SCUBE3: variants seen among roughly 807,000 people sequenced by gnomAD.
The protein encoded by SCUBE3 is signal peptide, CUB and EGF-like domain-containing protein 3.
In SCUBE3, 33 loss-of-function variants were observed where a neutral mutation model predicts 116.8. The observed-to-expected ratio is 0.28, with a 90% CI of 0.21 to 0.38. The LOEUF (loss-of-function observed/expected upper bound fraction) is 0.38, where lower values mean the gene tolerates loss of function less well. SCUBE3 is among the 10% of genes least tolerant of loss of function. The pLI, the probability that SCUBE3 is intolerant of heterozygous loss-of-function variation, is 1.00. For synonymous variants in SCUBE3, 418 were observed against 496.9 expected (o/e 0.84, Z 2.11); for missense variants, 1,007 against 1,324.8 (o/e 0.76, Z 3.72).
intron 3 of SCUBE3, among the ~76,000 whole-genome samples, chr6:35,229,461 C>T (rs969271397): frequency 1.3e-5 from 2 of 152,090 alleles, no homozygotes; most frequent in African/African-American, 2.4e-5. Context: ...CTGTGCGGAT[C>T]ACCACAAGAC....
At position 35,253,079 on chromosome 6, in the gene SCUBE3, A is replaced by G. The variant is rs1380555105; in HGVS notation, c.*4374A>G. 2 of 152,232 alleles carry G rather than the reference A, an allele frequency of 1.3e-5. No individual in the cohort carries two copies. The highest frequency in any genetic ancestry group is 2.9e-5 in the Non-Finnish European group (2 of 68,044). 9.4% of individuals were successfully genotyped at this position (152,232 alleles called of 1,614,324 possible). A position where few individuals can be genotyped will look rare whatever the true frequency, so the allele number is the denominator to read the frequency against. On this transcript the variant is annotated 3_prime_UTR_variant, in exon 22 of 22. Transcript: ENST00000274938. ...ATTAAAATACTAAATGAAACTCCTC[A>G]GCCCGGCATCTTTTCCTCTATCTCA...
chr6:35,234,794 G>A (rs1209335884), intron 6 of SCUBE3, among the ~76,000 whole-genome samples: 2 of 152,182 alleles, frequency 1.3e-5, no homozygotes, highest in East Asian at 3.9e-4. Flanking sequence ...TCCAGACATG[G>A]TTGCTTCTGA....
Position 35,244,630 on chromosome 6 carries a change from C to G in SCUBE3, c.2240-20C>G. Reference sequence around the variant, plus strand: ...CACCTGCCTACCATCTTGATTCCTGCCCTTCTCCCTTGCCTACAGTCCAGT... The same window carrying G: ...CACCTGCCTACCATCTTGATTCCTGGCCTTCTCCCTTGCCTACAGTCCAGT... On this transcript the variant is annotated intron_variant, in intron 17 of 21. Coordinates refer to ENST00000274938, the MANE Select transcript of SCUBE3 (RefSeq NM_152753.4). The surrounding 1 kb of genome is among the most constrained non-coding windows in gnomAD (Gnocchi z 4.3). The G allele has an allele frequency of 6.2e-7, 1 of 1,609,960 alleles. No homozygotes were observed. The highest frequency in any genetic ancestry group is 8.5e-7 in the Non-Finnish European group (1 of 1,176,584).
Position 35,235,365 on chromosome 6 carries a change from AGGGTGGGGAGG to A in SCUBE3, c.712+2067_712+2077del, listed in dbSNP as rs1403438187. 1.8e-6 allele frequency: 1 copy of A among 565,962 alleles called. No homozygotes were observed. The highest frequency in any genetic ancestry group is 3.0e-6 in the Non-Finnish European group (1 of 335,658). 35.1% of individuals were successfully genotyped at this position (565,962 alleles called of 1,614,324 possible). ...GGTTTGGGCTGGCAGTGGGGAGGAG[AGGGTGGGGAGG>A]GGTCCGGGGCCAGAGGGCCACAGTG... On this transcript the variant is annotated intron_variant, in intron 6 of 21. Coordinates refer to ENST00000274938, the MANE Select transcript of SCUBE3 (RefSeq NM_152753.4). The surrounding 1 kb of genome is among the most constrained non-coding windows in gnomAD (Gnocchi z 4.5).
chr6:35,245,205 T>C lies in SCUBE3; in HGVS notation c.2402-23T>C, dbSNP rs1784280912. 6.2e-7 allele frequency: 1 copy of C among 1,612,092 alleles called. No homozygotes were observed. Among genetic ancestry groups the C allele is most frequent in the South Asian group, 1.1e-5 (1 of 91,054 alleles). On this transcript the variant is annotated intron_variant, in intron 18 of 21. Coordinates refer to ENST00000274938, the MANE Select transcript of SCUBE3 (RefSeq NM_152753.4). This position sits in a 1 kb window ranked among gnomAD's most constrained non-coding sequence, Gnocchi z 4.2. ...CTGACTTCCCTTCTCTGTCTTGTTT[T>C]ATCCACTGGGGTTTGGCTGCAGATC... is the stretch of plus-strand genomic sequence containing the variant.
rs1417638541 is a variant in SCUBE3, at chr6:35,232,298, G to GGC, written c.469+440_469+441dup. On this transcript the variant is annotated intron_variant, in intron 4 of 21. Coordinates refer to ENST00000274938, the MANE Select transcript of SCUBE3 (RefSeq NM_152753.4). The surrounding 1 kb of genome is among the most constrained non-coding windows in gnomAD (Gnocchi z 4.2). ...CCCACTAGACTGTGACATCCCTGAGGGCAGGGACTATGTCTAACTCATTGT... is the reference window on the plus strand; with the variant it reads ...CCCACTAGACTGTGACATCCCTGAGGGCGCAGGGACTATGTCTAACTCATTGT... Among the ~76,000 whole-genome samples, 1 of 152,114 alleles carries GGC rather than the reference G, an allele frequency of 6.6e-6. No individual in the cohort carries two copies. The highest frequency in any genetic ancestry group is 2.4e-5 in the African/African-American group (1 of 41,410).
chr6:35,216,868 G>A (rs1272506640), intron 1 of SCUBE3, among the ~76,000 whole-genome samples: 2 of 152,216 alleles, frequency 1.3e-5, no homozygotes, highest in East Asian at 3.9e-4. Flanking sequence ...TCATGTGGAA[G>A]GGGGGAAAGG....
In SCUBE3 at chr6:35,239,584, G is replaced by C. The variant is rs1472905772; in HGVS notation, c.830-168G>C. Among the ~76,000 whole-genome samples, 2 of 152,168 alleles carry C rather than the reference G, an allele frequency of 1.3e-5. No homozygotes were observed. The highest frequency in any genetic ancestry group is 4.1e-4 in the South Asian group (2 of 4,832). The stretch of plus-strand genomic sequence containing the variant: ...GGAAGAAACAGAGACAGGAAAGAGA[G>C]AGAGAGACAGGAAAGAGAAAGAGAA... On this transcript the variant is annotated intron_variant, in intron 7 of 21. Coordinates refer to ENST00000274938, the MANE Select transcript of SCUBE3 (RefSeq NM_152753.4). The surrounding 1 kb of genome is among the most constrained non-coding windows in gnomAD (Gnocchi z 4.1).
intron 1 of SCUBE3, among the ~76,000 whole-genome samples, chr6:35,215,082 G>A (rs1297122237): frequency 6.6e-6 from 1 of 152,198 alleles, no homozygotes; most frequent in East Asian, 1.9e-4. Context: ...TTCTGTGACT[G>A]GCTCCCGACA....
At chr6:35,223,264 T>G (rs1248774320) in intron 1 of SCUBE3, 1 of 152,216 alleles carries the variant, frequency 6.6e-6, no homozygotes, top group Non-Finnish European at 1.5e-5. Context: ...GTTAAGTACT[T>G]GATGGGTATT....
chr6:35,231,615 TG>T lies in SCUBE3; in HGVS notation c.335-107del. On this transcript the variant is annotated intron_variant, in intron 3 of 21. Coordinates refer to ENST00000274938, the MANE Select transcript of SCUBE3 (RefSeq NM_152753.4). This position sits in a 1 kb window ranked among gnomAD's most constrained non-coding sequence, Gnocchi z 4.2. The stretch of plus-strand genomic sequence containing the variant: ...GTGTGAGGACTTCCTGGCTTAAGGC[TG>T]GGCTTAGGGGGTAGTAGTTCTTAAG... The T allele has an allele frequency of 1.1e-6, 1 of 918,034 alleles. No homozygotes were observed. Among genetic ancestry groups the T allele is most frequent in the South Asian group, 2.7e-5 (1 of 36,696 alleles). The allele number at this position is 918,034 out of a possible 1,614,324, so 56.9% of individuals were successfully genotyped here.
chr6:35,243,322 C>A lies in SCUBE3; in HGVS notation c.1909+86C>A. On this transcript the variant is annotated intron_variant, in intron 15 of 21. Coordinates refer to ENST00000274938, the MANE Select transcript of SCUBE3 (RefSeq NM_152753.4). This position sits in a 1 kb window ranked among gnomAD's most constrained non-coding sequence, Gnocchi z 6.6. ...GCAGGACCCTTTGTGGCCTCAGATG[C>A]ATTTCTCAAATTATGAGGCAGCCAG... 2 of 1,185,790 alleles carry A rather than the reference C, an allele frequency of 1.7e-6. No individual in the cohort carries two copies. Among genetic ancestry groups the A allele is most frequent in the Non-Finnish European group, 2.4e-6 (2 of 816,790 alleles). The allele number at this position is 1,185,790 out of a possible 1,614,324, so 73.5% of individuals were successfully genotyped here. A position where few individuals can be genotyped will look rare whatever the true frequency, so the allele number is the denominator to read the frequency against.
At position 35,240,014 on chromosome 6, in the gene SCUBE3, C is replaced by A; in HGVS notation, c.952+140C>A. ...GAGGCAGTGTCATCCTGCAAATTAG[C>A]AAATGGTACTCTTTCCCCTCAGCGG... On this transcript the variant is annotated intron_variant, in intron 8 of 21. Coordinates refer to ENST00000274938, the MANE Select transcript of SCUBE3 (RefSeq NM_152753.4). This position sits in a 1 kb window ranked among gnomAD's most constrained non-coding sequence, Gnocchi z 4.6. 1.4e-6 allele frequency: 1 copy of A among 702,988 alleles called. No homozygotes were observed. The highest frequency in any genetic ancestry group is 2.2e-6 in the Non-Finnish European group (1 of 446,998). 43.5% of individuals were successfully genotyped at this position (702,988 alleles called of 1,614,324 possible).
intron 7 of SCUBE3, among the ~76,000 whole-genome samples, chr6:35,238,525 C>T (rs1355075559): frequency 1.3e-5 from 2 of 152,154 alleles, no homozygotes; most frequent in Admixed American, 1.3e-4. Flanking sequence ...GCCCTGTCTC[C>T]TACTAGCTCT....
In SCUBE3 at chr6:35,219,963, A is replaced by G. The variant is rs1266488794; in HGVS notation, c.85+5460A>G. Among the ~76,000 whole-genome samples the G allele has an allele frequency of 6.6e-6, 1 of 151,918 alleles. No individual in the cohort carries two copies. Among genetic ancestry groups the G allele is most frequent in the Non-Finnish European group, 1.5e-5 (1 of 67,976 alleles). On this transcript the variant is annotated intron_variant, in intron 1 of 21. Coordinates refer to ENST00000274938, the MANE Select transcript of SCUBE3 (RefSeq NM_152753.4). This position sits in a 1 kb window ranked among gnomAD's most constrained non-coding sequence, Gnocchi z 4.7. ...CTTTCCTTATTGCAACTGTGTCTGT[A>G]CCCTCCCTGCCCACTACTCAGCCTT... is the stretch of plus-strand genomic sequence containing the variant.
chr6:35,242,890 C>A (rs1385519731), intron 14 of SCUBE3, 110 bp downstream of exon 14: 4 of 1,510,990 alleles, frequency 2.6e-6, no homozygotes, highest in Non-Finnish European at 3.7e-6. Context: ...TAGGGGCAGA[C>A]CCTGCCTGGT....
In SCUBE3 at chr6:35,219,133, CCA is replaced by C. The variant is rs916295844; in HGVS notation, c.85+4631_85+4632del. On this transcript the variant is annotated intron_variant, in intron 1 of 21. Coordinates refer to ENST00000274938, the MANE Select transcript of SCUBE3 (RefSeq NM_152753.4). This position sits in a 1 kb window ranked among gnomAD's most constrained non-coding sequence, Gnocchi z 4.7. Reference sequence around the variant, plus strand: ...GATACTCTTCCTTTCTTCCCCCACCCCAGTTTCCTGGAACCCCAAGTAGCTGA... The same window carrying C: ...GATACTCTTCCTTTCTTCCCCCACCCGTTTCCTGGAACCCCAAGTAGCTGA... 6.6e-6 allele frequency among the ~76,000 whole-genome samples: 1 copy of C among 152,194 alleles called. No individual in the cohort carries two copies. Among genetic ancestry groups the C allele is most frequent in the Non-Finnish European group, 1.5e-5 (1 of 68,034 alleles).
Position 35,244,547 on chromosome 6 carries a change from C to G in SCUBE3, c.2240-103C>G. ...ACCCTAGAAAAGAACTTTGATGTAT[C>G]TGATCTCCTGATTCTCCAGGATGAA... On this transcript the variant is annotated intron_variant, in intron 17 of 21. Coordinates refer to ENST00000274938, the MANE Select transcript of SCUBE3 (RefSeq NM_152753.4). The surrounding 1 kb of genome is among the most constrained non-coding windows in gnomAD (Gnocchi z 4.3). 1.1e-6 allele frequency: 1 copy of G among 917,334 alleles called. No homozygotes were observed. Among genetic ancestry groups the G allele is most frequent in the Non-Finnish European group, 1.7e-6 (1 of 581,542 alleles). 56.8% of individuals were successfully genotyped at this position (917,334 alleles called of 1,614,324 possible).
Position 35,243,888 on chromosome 6 carries a change from C to A in SCUBE3, c.2072-75C>A. The A allele has an allele frequency of 6.5e-7, 1 of 1,540,364 alleles. No homozygotes were observed. The highest frequency in any genetic ancestry group is 1.2e-5 in the South Asian group (1 of 84,608). ...CAACATCCTGTTTGTATACCTTTGT[C>A]CCCTGAGATCGGGTGACCCCATGGG... On this transcript the variant is annotated intron_variant, in intron 16 of 21. Transcript: ENST00000274938. The surrounding 1 kb of genome is among the most constrained non-coding windows in gnomAD (Gnocchi z 6.6).
Sources: gnomAD v4.1 joint callset for allele counts (sites outside exome capture counted in the v4.1 genomes callset) on GRCh38, gnomAD v4.1.1 for gene constraint, Gnocchi (gnomAD v3.1) non-coding constraint, MANE v1.5 for transcripts, NCBI Gene and HGNC (gene_info 2026-07-23, HGNC 2026-07-21) for gene names.